MID1: variants seen among roughly 807,000 people sequenced by gnomAD.
The protein encoded by MID1 is E3 ubiquitin-protein ligase Midline-1.
Under a neutral mutation model 40.4 loss-of-function variants are expected in MID1, and 7 were observed. The observed-to-expected ratio is 0.17, with a 90% CI of 0.10 to 0.33. MID1 has a LOEUF of 0.33. MID1 is among the 10% of genes least tolerant of loss of function. The pLI, the probability that MID1 is intolerant of heterozygous loss-of-function variation, is 1.00. For synonymous variants in MID1, 229 were observed against 221.2 expected, an observed-to-expected ratio of 1.04 and a Z score of -0.31; for missense variants, 367 against 558.5, an observed-to-expected ratio of 0.66 and a Z score of 3.46.
chrX:10,453,738 T>C (rs1382568688), intron 9 of MID1, among the ~76,000 whole-genome samples: 1 of 111,966 alleles, frequency 8.9e-6, no homozygotes, highest in Non-Finnish European at 1.9e-5. Context: ...AAACCAGAAA[T>C]ATTGAATCTC....
chrX:10,662,627 A>G (rs2042922982), intron 1 of MID1, among the ~76,000 whole-genome samples: 1 of 111,838 alleles, frequency 8.9e-6, no homozygotes, highest in South Asian at 3.8e-4. Flanking sequence ...AACATATTCA[A>G]TATACATAGG....
At chrX:10,533,060 C>T in intron 2 of MID1, among the ~76,000 whole-genome samples, 1 of 110,288 alleles carries the variant, frequency 9.1e-6, no homozygotes, top group East Asian at 2.8e-4. Context: ...GTGTGAGCCA[C>T]CGTGCCCGCC....
chrX:10,460,363 C>A (rs1011406078), intron 7 of MID1, among the ~76,000 whole-genome samples: 2 of 111,416 alleles, frequency 1.8e-5, no homozygotes, highest in Non-Finnish European at 3.8e-5. Flanking sequence ...AAATGATCAT[C>A]ATCCCTAGGA....
At chrX:10,778,571 G>A (rs1204157303) in intron 1 of MID1, among the ~76,000 whole-genome samples, 1 of 112,255 alleles carries the variant, frequency 8.9e-6, no homozygotes, top group East Asian at 2.8e-4. Flanking sequence ...AGATGATCCT[G>A]GATTATTCAG....
chrX:10,578,828 T>G (rs1231011838), intron 1 of MID1, among the ~76,000 whole-genome samples: 1 of 111,929 alleles, frequency 8.9e-6, no homozygotes, highest in African/African-American at 3.2e-5. Flanking sequence ...GTCACTAATT[T>G]CTGTGAAACC....
intron 3 of MID1, among the ~76,000 whole-genome samples, chrX:10,506,812 C>T (rs1460978514): frequency 1.8e-5 from 2 of 112,039 alleles, no homozygotes; most frequent in Non-Finnish European, 3.8e-5. Context: ...GAATTTGCAT[C>T]GGACAGTGCT....
chrX:10,790,919 A>G (rs1368392088), intron 1 of MID1, among the ~76,000 whole-genome samples: 1 of 112,275 alleles, frequency 8.9e-6, no homozygotes, highest in African/African-American at 3.2e-5. Flanking sequence ...TTCTTTGTGT[A>G]GTATCTGTCA....
intron 7 of MID1, among the ~76,000 whole-genome samples, chrX:10,465,214 T>TATAC (rs1477864693): frequency 2.0e-3 from 81 of 39,900 alleles, no homozygotes; most frequent in East Asian, 5.2e-3. Flanking sequence ...TATATATATA[T>TATAC]ACACACACAC....
At chrX:10,601,131 C>T (rs1412838695) in intron 1 of MID1, among the ~76,000 whole-genome samples, 1 of 112,483 alleles carries the variant, frequency 8.9e-6, no homozygotes, top group Non-Finnish European at 1.9e-5. Flanking sequence ...TATAATTTAG[C>T]CTCTCACTAG....
intron 1 of MID1, among the ~76,000 whole-genome samples, chrX:10,638,201 G>A (rs1246283210): frequency 8.9e-6 from 1 of 111,911 alleles, no homozygotes; most frequent in Non-Finnish European, 1.9e-5. Context: ...ACAGAGCAGG[G>A]CAGGGCGTTG....
chrX:10,580,162 T>C (rs778051397), intron 1 of MID1, among the ~76,000 whole-genome samples: 131 of 106,695 alleles, frequency 1.2e-3, no homozygotes, highest in African/African-American at 4.4e-3. Context: ...AAATTAAAAC[T>C]GCCTTCAAAT....
intron 4 of MID1, 46 bp from the exon 5 acceptor site, chrX:10,482,674 T>C (rs904352586): frequency 1.7e-6 from 2 of 1,176,755 alleles, no homozygotes; most frequent in African/African-American, 3.5e-5. Context: ...TGGGTGGTCT[T>C]GCTTAATGAA....
chrX:10,704,739 T>TATATACACAC (rs1233692170), intron 1 of MID1, among the ~76,000 whole-genome samples: 1 of 82,207 alleles, frequency 1.2e-5, no homozygotes, highest in African/African-American at 5.3e-5. Flanking sequence ...TATATATATA[T>TATATACACAC]ACACACACAC....
intron 1 of MID1, among the ~76,000 whole-genome samples, chrX:10,817,296 C>T (rs1426562040): frequency 8.9e-6 from 1 of 111,943 alleles, no homozygotes; most frequent in Non-Finnish European, 1.9e-5. Flanking sequence ...AGTTATAAAA[C>T]ATTACAGAGG....
chrX:10,623,449 T>C (rs908378702), upstream of MID1, among the ~76,000 whole-genome samples: 1 of 111,102 alleles, frequency 9.0e-6, no homozygotes, highest in Non-Finnish European at 1.9e-5. Flanking sequence ...GCTGAAGGGA[T>C]GTTGGAAGTT....
upstream of MID1, among the ~76,000 whole-genome samples, chrX:10,623,083 CAAA>C (rs763054366): frequency 3.1e-5 from 1 of 32,515 alleles, no homozygotes. Context: ...GCTGTCTCTA[CAAA>C]AAAAAAAAAA....
chrX:10,450,401 A>G (rs1026061288), intron 9 of MID1, among the ~76,000 whole-genome samples: 1 of 112,444 alleles, frequency 8.9e-6, no homozygotes, highest in Non-Finnish European at 1.9e-5. Context: ...CTCAGCCCCA[A>G]TTTTCTCATG....
chrX:10,690,338 G>A (rs1190143636), intron 1 of MID1, among the ~76,000 whole-genome samples: 3 of 111,272 alleles, frequency 2.7e-5, no homozygotes, highest in African/African-American at 9.8e-5. Flanking sequence ...TTCCAAACCG[G>A]GCTAAAATGA....
chrX:10,447,041 A>C lies in MID1; in HGVS notation c.*2327T>G, dbSNP rs1015944367. On this transcript the variant is annotated 3_prime_UTR_variant, in exon 10 of 10. Transcript: ENST00000317552. ...TTCACACGGGAATCTTTTCTACATC[A>C]TTATAGTAATTAAACACGGTGGCCT... 1.8e-5 allele frequency: 2 copies of C among 111,679 alleles called. No homozygotes were observed. Among genetic ancestry groups the C allele is most frequent in the Non-Finnish European group, 3.8e-5 (2 of 53,171 alleles). 9.2% of individuals were successfully genotyped at this position (111,679 alleles called of 1,213,427 possible). A position where few individuals can be genotyped will look rare whatever the true frequency, so the allele number is the denominator to read the frequency against.
Sources: allele counts gnomAD v4.1 joint callset (sites outside exome capture counted in the v4.1 genomes callset), GRCh38; gene constraint gnomAD v4.1.1; transcripts MANE v1.5; gene names NCBI Gene and HGNC (gene_info 2026-07-23, HGNC 2026-07-21).